LOC122539214: variants seen among roughly 807,000 people sequenced by gnomAD.
the LOC122539214 span, among the ~76,000 whole-genome samples, chr19:52,658,766 T>G: frequency 6.6e-6 from 1 of 152,100 alleles, no homozygotes; most frequent in Non-Finnish European, 1.5e-5. Flanking sequence ...TTACCCTACC[T>G]CCATTAACTA....
At chr19:52,661,287 A>G in the LOC122539214 span, among the ~76,000 whole-genome samples, 1 of 152,186 alleles carries the variant, frequency 6.6e-6, no homozygotes, top group Non-Finnish European at 1.5e-5. Flanking sequence ...GAGATAAGAA[A>G]GCCCCACAGG....
At chr19:52,658,858 C>G in the LOC122539214 span, among the ~76,000 whole-genome samples, 1 of 152,304 alleles carries the variant, frequency 6.6e-6, no homozygotes, top group Non-Finnish European at 1.5e-5. Context: ...ATCACAGTAC[C>G]TGAGCTTTAA....
chr19:52,685,004 A>G, the LOC122539214 span, among the ~76,000 whole-genome samples: 1 of 152,206 alleles, frequency 6.6e-6, no homozygotes, highest in Admixed American at 6.5e-5. Flanking sequence ...GTCCTCATAC[A>G]GAGAAAGGCC....
At chr19:52,652,898 G>A in the LOC122539214 span, 1 of 1,102,632 alleles carries the variant, frequency 9.1e-7, no homozygotes, top group East Asian at 2.6e-5. Flanking sequence ...CACTTGTAAG[G>A]TTTCTCTCCA....
chr19:52,668,750 T>C, the LOC122539214 span, among the ~76,000 whole-genome samples: 1 of 152,244 alleles, frequency 6.6e-6, no homozygotes, highest in South Asian at 2.1e-4. Flanking sequence ...GCAATTGTTA[T>C]GCTTGTGCAC....
chr19:52,675,438 C>T, the LOC122539214 span, among the ~76,000 whole-genome samples: 8 of 152,118 alleles, frequency 5.3e-5, no homozygotes, highest in Non-Finnish European at 8.8e-5. Flanking sequence ...GGGACACAAG[C>T]GCTGAGCTGC....
the LOC122539214 span, among the ~76,000 whole-genome samples, chr19:52,689,699 C>G: frequency 0.056 from 8,466 of 150,486 alleles, 566 homozygotes; most frequent in African/African-American, 0.17. Context: ...TTTGCCATCT[C>G]TTATGGCTCT....
chr19:52,675,098 G>A, the LOC122539214 span, among the ~76,000 whole-genome samples: 1 of 152,170 alleles, frequency 6.6e-6, no homozygotes, highest in African/African-American at 2.4e-5. Context: ...GTCACTGAAG[G>A]CTGACAAATC....
At chr19:52,670,669 G>A in the LOC122539214 span, among the ~76,000 whole-genome samples, 127 of 152,120 alleles carry the variant, frequency 8.3e-4, 1 homozygote, top group African/African-American at 2.9e-3. Flanking sequence ...ACTCTCAGGA[G>A]GTCCTGAGAA....
At chr19:52,653,016 A>G in the LOC122539214 span, 17 of 1,429,920 alleles carry the variant, frequency 1.2e-5, no homozygotes, top group Non-Finnish European at 1.7e-5. Flanking sequence ...GATGTTGTGC[A>G]AGGTTTGACT....
chr19:52,651,430 A>T, the LOC122539214 span: 1 of 152,240 alleles, frequency 6.6e-6, no homozygotes, highest in Admixed American at 6.5e-5. Flanking sequence ...CCCAAAGTGT[A>T]TATCTATGCT....
At chr19:52,670,316 A>G in the LOC122539214 span, among the ~76,000 whole-genome samples, 1 of 152,162 alleles carries the variant, frequency 6.6e-6, no homozygotes, top group Non-Finnish European at 1.5e-5. Context: ...AAATTAGCCA[A>G]TTGGAATTAG....
the LOC122539214 span, among the ~76,000 whole-genome samples, chr19:52,653,763 G>C: frequency 1.3e-5 from 2 of 152,140 alleles, no homozygotes; most frequent in Non-Finnish European, 2.9e-5. Context: ...GAACTCTATG[G>C]TGCCATGCAA....
chr19:52,677,481 G>A, the LOC122539214 span, among the ~76,000 whole-genome samples: 130 of 151,492 alleles, frequency 8.6e-4, no homozygotes, highest in African/African-American at 3.0e-3. Context: ...GTGAGACTCT[G>A]TCTCAAAAAG....
the LOC122539214 span, among the ~76,000 whole-genome samples, chr19:52,657,648 G>A: frequency 3.3e-5 from 5 of 152,182 alleles, no homozygotes; most frequent in Admixed American, 1.3e-4. Flanking sequence ...AGGAATTCGC[G>A]ACCAGCCTGA....
At chr19:52,688,236 T>A in the LOC122539214 span, among the ~76,000 whole-genome samples, 1 of 151,984 alleles carries the variant, frequency 6.6e-6, no homozygotes, top group Non-Finnish European at 1.5e-5. Context: ...AGTGGCATGA[T>A]CTTGGCTCAC....
chr19:52,685,512 T>A, the LOC122539214 span, among the ~76,000 whole-genome samples: 3 of 152,110 alleles, frequency 2.0e-5, no homozygotes, highest in Non-Finnish European at 4.4e-5. Flanking sequence ...ATTCATAAAA[T>A]GCAGAAGTGT....
the LOC122539214 span, among the ~76,000 whole-genome samples, chr19:52,680,128 G>A: frequency 6.6e-6 from 1 of 151,974 alleles, no homozygotes; most frequent in Non-Finnish European, 1.5e-5. Context: ...GTGGTAAGAA[G>A]AGATCACACC....
chr19:52,656,470 A>G, the LOC122539214 span, among the ~76,000 whole-genome samples: 5 of 152,144 alleles, frequency 3.3e-5, no homozygotes, highest in African/African-American at 1.2e-4. Flanking sequence ...GGTTGTGGTA[A>G]GCTGAGATGA....
Sources: allele counts gnomAD v4.1 joint callset (sites outside exome capture counted in the v4.1 genomes callset), GRCh38; gene constraint gnomAD v4.1.1; transcripts MANE v1.5.